Variants in PTPRD observed in about 807,000 individuals in gnomAD.
PTPRD encodes receptor-type tyrosine-protein phosphatase delta.
In PTPRD, 34 loss-of-function variants were observed where a neutral mutation model predicts 214.5. That is an observed-to-expected ratio of 0.16 (90% CI 0.12 to 0.21). The LOEUF (loss-of-function observed/expected upper bound fraction) is 0.21, where lower values mean the gene tolerates loss of function less well. PTPRD is among the 10% of genes least tolerant of loss of function. PTPRD has a pLI of 1.00. For missense variants in PTPRD, 2,545 were observed against 2,398.7 expected (o/e 1.06, Z -1.27); for synonymous variants, 1,128 against 845.7 (o/e 1.33, Z -5.79).
At chr9:10,297,958 A>C (rs2154404367) in intron 3 of PTPRD, among the ~76,000 whole-genome samples, 1 of 152,226 alleles carries the variant, frequency 6.6e-6, no homozygotes, top group Non-Finnish European at 1.5e-5. Context: ...CTAAAGCAAC[A>C]CGTCTAAGGA....
chr9:9,805,137 G>C (rs2099064948), intron 5 of PTPRD, among the ~76,000 whole-genome samples: 1 of 151,982 alleles, frequency 6.6e-6, no homozygotes, highest in East Asian at 1.9e-4. Context: ...TTGGGTTTTG[G>C]GGCCAGGCTT....
intron 2 of PTPRD, among the ~76,000 whole-genome samples, chr9:10,547,325 T>C (rs1192462874): frequency 6.6e-6 from 1 of 152,084 alleles, no homozygotes; most frequent in Non-Finnish European, 1.5e-5. Flanking sequence ...TTTTTTCTTT[T>C]AAGTCACTGC....
intron 7 of PTPRD, among the ~76,000 whole-genome samples, chr9:9,621,119 C>G (rs1402741252): frequency 2.6e-5 from 4 of 152,122 alleles, no homozygotes; most frequent in African/African-American, 9.7e-5. Flanking sequence ...ACTCACTGAC[C>G]AGGCTGTAAG....
intron 6 of PTPRD, among the ~76,000 whole-genome samples, chr9:9,763,984 G>A (rs1267971810): frequency 6.6e-6 from 1 of 151,904 alleles, no homozygotes; most frequent in Non-Finnish European, 1.5e-5. Flanking sequence ...CCTCCAAGAA[G>A]CCAGATTGAT....
chr9:10,611,840 T>C (rs998229644), intron 2 of PTPRD, among the ~76,000 whole-genome samples: 2 of 151,964 alleles, frequency 1.3e-5, no homozygotes, highest in East Asian at 1.9e-4. Flanking sequence ...CTTACAGGCA[T>C]GAAGAAATCG....
intron 9 of PTPRD, among the ~76,000 whole-genome samples, chr9:9,377,955 T>C (rs1403651207): frequency 4.6e-5 from 7 of 152,074 alleles, no homozygotes; most frequent in Admixed American, 3.3e-4. Flanking sequence ...TACAGCAACA[T>C]TGAGAGGAAA....
Position 10,096,565 on chromosome 9 carries a change from T to TTC in PTPRD, c.-544-62776_-544-62775insGA, listed in dbSNP as rs1359840387. 5.3e-5 allele frequency among the ~76,000 whole-genome samples: 8 copies of TTC among 151,986 alleles called. No individual in the cohort carries two copies. The South Asian group carries it at 6.2e-4, about 12-fold the overall frequency. On this transcript the variant is annotated intron_variant, in intron 3 of 45. Coordinates refer to ENST00000381196, the MANE Select transcript of PTPRD (RefSeq NM_002839.4). ...TTGAGAAGTGTCTGTTCATGTCCAA[T>TTC]GCCCACTTTTTGATGGGGTTTTTTG...
intron 10 of PTPRD, chr9:9,090,842 A>C (rs2099774481): frequency 2.6e-6 from 2 of 781,956 alleles, no homozygotes; most frequent in African/African-American, 3.4e-5. Context: ...TTCCATTGAC[A>C]ATGATGACAG....
chr9:10,454,664 A>G (rs1317155426), intron 2 of PTPRD, among the ~76,000 whole-genome samples: 1 of 151,716 alleles, frequency 6.6e-6, no homozygotes, highest in African/African-American at 2.4e-5. Context: ...TCCTGAAATT[A>G]TTCTTTGTGC....
intron 8 of PTPRD, among the ~76,000 whole-genome samples, chr9:9,427,330 G>A (rs1288285357): frequency 1.3e-5 from 2 of 152,122 alleles, no homozygotes; most frequent in Non-Finnish European, 2.9e-5. Flanking sequence ...AAGATCAAAT[G>A]AATGAAATGA....
chr9:9,744,475 A>G (rs927470215), intron 6 of PTPRD, among the ~76,000 whole-genome samples: 1 of 152,106 alleles, frequency 6.6e-6, no homozygotes. Context: ...GAGCTTACAG[A>G]ACTTACCTCA....
intron 3 of PTPRD, among the ~76,000 whole-genome samples, chr9:10,250,231 A>G (rs1408098566): frequency 2.0e-5 from 3 of 152,184 alleles, no homozygotes; most frequent in Admixed American, 6.6e-5. Flanking sequence ...ATAAAAAAGT[A>G]AAAAAGCAAG....
In PTPRD at chr9:10,523,663, AGAG is replaced by A. The variant is rs1483915334; in HGVS notation, c.-600+88732_-600+88734del. On this transcript the variant is annotated intron_variant, in intron 2 of 45. Coordinates refer to ENST00000381196, the MANE Select transcript of PTPRD (RefSeq NM_002839.4). Reference sequence around the variant, plus strand: ...GAGAGAGAGAGAGAGAGAGAAATAAAGAGAGAGAGAGAGAGAGAAAGCGGCTCT... The same window carrying A: ...GAGAGAGAGAGAGAGAGAGAAATAAAAGAGAGAGAGAGAGAAAGCGGCTCT... Among the ~76,000 whole-genome samples, 80 of 142,506 alleles carry A rather than the reference AGAG, an allele frequency of 5.6e-4. No individual in the cohort carries two copies. In the East Asian group the frequency reaches 0.013, roughly 24 times the overall value. The allele number at this position is 142,506 out of a possible 152,430, so 93.5% of individuals were successfully genotyped here.
intron 9 of PTPRD, among the ~76,000 whole-genome samples, chr9:9,229,185 A>G (rs1282591495): frequency 6.6e-6 from 1 of 152,174 alleles, no homozygotes; most frequent in Non-Finnish European, 1.5e-5. Flanking sequence ...TAAAAAATTG[A>G]TAACATTCAA....
At chr9:8,330,244 C>T (rs10815822) in intron 44 of PTPRD, among the ~76,000 whole-genome samples, 41,185 of 152,032 alleles carry the variant, frequency 0.27, 8,386 homozygotes, top group African/African-American at 0.55. Context: ...AAATGGGAAA[C>T]GCAGAAATCC....
At chr9:10,269,627 G>A (rs1423943032) in intron 3 of PTPRD, among the ~76,000 whole-genome samples, 1 of 151,916 alleles carries the variant, frequency 6.6e-6, no homozygotes, top group East Asian at 1.9e-4. Flanking sequence ...GGTGAAGGTG[G>A]GTACCTTCCA....
intron 12 of PTPRD, among the ~76,000 whole-genome samples, chr9:8,708,033 A>C (rs558846889): frequency 6.6e-6 from 1 of 152,326 alleles, no homozygotes; most frequent in South Asian, 2.1e-4. Flanking sequence ...CTAGCTCTGC[A>C]CCATGCAAGA....
intron 3 of PTPRD, among the ~76,000 whole-genome samples, chr9:10,041,163 T>TAAA (rs1208093378): frequency 6.6e-6 from 1 of 152,070 alleles, no homozygotes; most frequent in Non-Finnish European, 1.5e-5. Flanking sequence ...AAACAGCTTT[T>TAAA]AAATATAACT....
intron 5 of PTPRD, among the ~76,000 whole-genome samples, chr9:9,795,376 T>C (rs1318181024): frequency 3.3e-5 from 5 of 152,168 alleles, no homozygotes; most frequent in African/African-American, 4.8e-5. Context: ...AATACTGTTA[T>C]AGGGCTAGAG....
Sources: allele counts gnomAD v4.1 joint callset (sites outside exome capture counted in the v4.1 genomes callset), GRCh38; gene constraint gnomAD v4.1.1; transcripts MANE v1.5; gene names NCBI Gene and HGNC (gene_info 2026-07-23, HGNC 2026-07-21).